PIP4K2A: variants seen among roughly 807,000 people sequenced by gnomAD.
PIP4K2A encodes the protein phosphatidylinositol-5-phosphate 4-kinase type 2 alpha, also known as phosphatidylinositol 5-phosphate 4-kinase type-2 alpha.
In PIP4K2A, 14 loss-of-function variants were observed where a neutral mutation model predicts 42.9. The observed-to-expected ratio is 0.33, with a 90% CI of 0.22 to 0.51. The LOEUF (loss-of-function observed/expected upper bound fraction) is 0.51. Ranked by LOEUF, PIP4K2A falls within the 20% of genes least tolerant of loss-of-function variation. The pLI is 0.97. For missense variants in PIP4K2A, 434 were observed against 519.8 expected, an observed-to-expected ratio of 0.83 and a Z score of 1.61; for synonymous variants, 192 against 192.2, an observed-to-expected ratio of 1.00 and a Z score of 0.01.
intron 5 of PIP4K2A, among the ~76,000 whole-genome samples, chr10:22,571,936 T>G (rs547828504): frequency 6.6e-6 from 1 of 152,318 alleles, no homozygotes; most frequent in South Asian, 2.1e-4. Flanking sequence ...CTCATTCATG[T>G]TTTTGCTTTT....
chr10:22,565,946 T>G (rs1409101039), intron 6 of PIP4K2A, among the ~76,000 whole-genome samples: 1 of 152,162 alleles, frequency 6.6e-6, no homozygotes, highest in Non-Finnish European at 1.5e-5. Context: ...TCCCACCTAA[T>G]AAATTTTGGT....
chr10:22,624,654 G>A (rs1408953461), intron 1 of PIP4K2A, among the ~76,000 whole-genome samples: 1 of 152,088 alleles, frequency 6.6e-6, no homozygotes, highest in Non-Finnish European at 1.5e-5. Flanking sequence ...GGGGTCAGAG[G>A]TGCTTCTCAG....
In PIP4K2A at chr10:22,565,963, G is replaced by A. The variant is rs184431669; in HGVS notation, c.678+1888C>T. On this transcript the variant is annotated intron_variant, in intron 6 of 9. Coordinates refer to ENST00000376573, the MANE Select transcript of PIP4K2A (RefSeq NM_005028.5). ...CCACCTAATAAATTTTGGTCAGACC[G>A]GTTGATCTCAAAACCCTGTCTCCTG... is the stretch of plus-strand genomic sequence containing the variant. Among the ~76,000 whole-genome samples the A allele has an allele frequency of 1.8e-4, 27 of 152,220 alleles. 1 individual carries two copies. Among genetic ancestry groups the A allele is most frequent in the African/African-American group, 6.5e-4 (27 of 41,514 alleles).
intron 3 of PIP4K2A, among the ~76,000 whole-genome samples, chr10:22,595,050 T>C (rs749441245): frequency 8.5e-5 from 13 of 152,220 alleles, no homozygotes; most frequent in Admixed American, 5.2e-4. Context: ...TCACTATGAA[T>C]ATAAAAATAC....
At chr10:22,624,142 G>A (rs535549303) in intron 1 of PIP4K2A, among the ~76,000 whole-genome samples, 30 of 152,122 alleles carry the variant, frequency 2.0e-4, no homozygotes, top group African/African-American at 7.2e-4. Context: ...TTTAACATTG[G>A]GCAGTACTAC....
Position 22,541,870 on chromosome 10 carries a change from A to G in PIP4K2A, c.970T>C (p.Ser324Pro), listed in dbSNP as rs1836124084. Residue 324 changes from serine to proline, a missense_variant, in exon 8 of 10, where the codon TCA becomes CCA. Ser to Pro is a moderately conservative substitution (Grantham distance 74). Around this residue, in one of 2 missense-constraint regions of PIP4K2A, gnomAD observed 395 missense variants for 444.5 expected, o/e 0.89. Transcript: ENST00000376573. Reference sequence around the variant, plus strand: ...AACTCCCCGGGAGCCAGGGGTGGTGAGCTGTTCAGTGTATTCCCGGGGCTA... The same window carrying G: ...AACTCCCCGGGAGCCAGGGGTGGTGGGCTGTTCAGTGTATTCCCGGGGCTA... ...PDSPGNTLNS[S>P]PPLAPGEFDP... The G allele has an allele frequency of 6.2e-7, 1 of 1,609,858 alleles. No individual in the cohort carries two copies. Among genetic ancestry groups the G allele is most frequent in the Non-Finnish European group, 8.5e-7 (1 of 1,178,142 alleles).
chr10:22,582,301 GC>G (rs1380910346), intron 4 of PIP4K2A, among the ~76,000 whole-genome samples: 1 of 151,510 alleles, frequency 6.6e-6, no homozygotes, highest in East Asian at 1.9e-4. Flanking sequence ...GGTTTCCTTT[GC>G]CCTTAGGCAC....
chr10:22,603,764 C>T (rs1837846396), intron 3 of PIP4K2A, among the ~76,000 whole-genome samples: 1 of 152,110 alleles, frequency 6.6e-6, no homozygotes, highest in African/African-American at 2.4e-5. Context: ...TAATGGTAGA[C>T]ACAGGACTGC....
chr10:22,559,100 G>A (rs950901690), intron 6 of PIP4K2A, among the ~76,000 whole-genome samples: 1 of 152,158 alleles, frequency 6.6e-6, no homozygotes, highest in African/African-American at 2.4e-5. Context: ...CTGGTGCGCA[G>A]ATATCTATGG....
chr10:22,624,157 C>A (rs985759100), intron 1 of PIP4K2A, among the ~76,000 whole-genome samples: 4 of 152,202 alleles, frequency 2.6e-5, no homozygotes, highest in Admixed American at 6.5e-5. Flanking sequence ...TACTACACTA[C>A]AAATTCAGTA....
intron 7 of PIP4K2A, among the ~76,000 whole-genome samples, chr10:22,543,290 C>A (rs1006953588): frequency 6.6e-6 from 1 of 152,166 alleles, no homozygotes; most frequent in African/African-American, 2.4e-5. Context: ...GCCAGCACCC[C>A]GCTCAGCCCA....
chr10:22,619,467 C>T (rs1838265035), intron 1 of PIP4K2A, among the ~76,000 whole-genome samples: 1 of 147,558 alleles, frequency 6.8e-6, no homozygotes, highest in African/African-American at 2.6e-5. Flanking sequence ...GACAAAGCCT[C>T]GCTCTGTTGC....
In PIP4K2A at chr10:22,536,426, G is replaced by A. The variant is rs1835920368; in HGVS notation, c.*775C>T. The A allele has an allele frequency of 3.9e-6, 1 of 254,742 alleles. No homozygotes were observed. The highest frequency in any genetic ancestry group is 2.2e-5 in the African/African-American group (1 of 45,412). 15.8% of individuals were successfully genotyped at this position (254,742 alleles called of 1,614,324 possible). A position where few individuals can be genotyped will look rare whatever the true frequency, so the allele number is the denominator to read the frequency against. On this transcript the variant is annotated 3_prime_UTR_variant, in exon 10 of 10. Transcript: ENST00000376573. ...TATTGGCCGAGGTGAAAAATGTATAGAGAATCACTGGGGCATCAGCTGCTT... is the reference window on the plus strand; with the variant it reads ...TATTGGCCGAGGTGAAAAATGTATAAAGAATCACTGGGGCATCAGCTGCTT...
chr10:22,692,324 T>C (rs945420713), intron 1 of PIP4K2A, among the ~76,000 whole-genome samples: 3 of 152,042 alleles, frequency 2.0e-5, no homozygotes, highest in Non-Finnish European at 4.4e-5. Context: ...ATGTGAGCAA[T>C]GGGGAGCGGC....
Position 22,678,120 on chromosome 10 carries a change from C to T in PIP4K2A, c.144+36063G>A, listed in dbSNP as rs141457790. 7.0e-3 allele frequency among the ~76,000 whole-genome samples: 1,060 copies of T among 152,068 alleles called. 26 individuals are homozygous for T. The highest frequency in any genetic ancestry group is 5.6e-3 in the Non-Finnish European group (380 of 67,972). On this transcript the variant is annotated intron_variant, in intron 1 of 9. Transcript: ENST00000376573. ...GAATGAATGATATAAAAATTATGTTCAATTTTAATTGCTGGACTTTAAAAA... is the reference window on the plus strand; with the variant it reads ...GAATGAATGATATAAAAATTATGTTTAATTTTAATTGCTGGACTTTAAAAA...
At chr10:22,639,634 T>C (rs1422303941) in intron 1 of PIP4K2A, among the ~76,000 whole-genome samples, 2 of 152,100 alleles carry the variant, frequency 1.3e-5, no homozygotes, top group African/African-American at 4.8e-5. Flanking sequence ...TTTTTCACAA[T>C]ACAAAATGCC....
intron 7 of PIP4K2A, among the ~76,000 whole-genome samples, chr10:22,550,183 G>A (rs994751731): frequency 6.6e-6 from 1 of 152,196 alleles, no homozygotes; most frequent in Non-Finnish European, 1.5e-5. Flanking sequence ...GGTGACTGGT[G>A]GAGATAGGAA....
At chr10:22,700,707 G>C (rs115681702) in intron 1 of PIP4K2A, among the ~76,000 whole-genome samples, 1,777 of 152,314 alleles carry the variant, frequency 0.012, 45 homozygotes, top group African/African-American at 0.041. Flanking sequence ...GAATGCTACA[G>C]AGGTCATTCT....
intron 1 of PIP4K2A, among the ~76,000 whole-genome samples, chr10:22,623,393 G>A (rs1427376823): frequency 6.6e-6 from 1 of 152,166 alleles, no homozygotes; most frequent in Non-Finnish European, 1.5e-5. Context: ...CTCAGGGGCA[G>A]ACCGCAGCTC....
Sources: gnomAD v4.1 joint callset for allele counts (sites outside exome capture counted in the v4.1 genomes callset) on GRCh38, gnomAD v4.1.1 for gene constraint, gnomAD v4.1.1 regional missense constraint, MANE v1.5 for transcripts, NCBI Gene and HGNC (gene_info 2026-07-23, HGNC 2026-07-21) for gene names.